Variants in GLCCI1 observed in about 807,000 individuals in gnomAD.
GLCCI1 encodes the protein glucocorticoid induced 1, also known as glucocorticoid-induced transcript 1 protein.
In GLCCI1, 24 loss-of-function variants were observed where a neutral mutation model predicts 52.2. The observed-to-expected ratio is 0.46, with a 90% CI of 0.33 to 0.65. The LOEUF (loss-of-function observed/expected upper bound fraction) is 0.65. GLCCI1 is among the 30% of genes least tolerant of loss of function. The pLI, the probability that GLCCI1 is intolerant of heterozygous loss-of-function variation, is 0.02. For synonymous variants in GLCCI1, 310 were observed against 276.5 expected (o/e 1.12, Z -1.20); for missense variants, 704 against 701.5 (o/e 1.00, Z -0.04).
intron 3 of GLCCI1, among the ~76,000 whole-genome samples, chr7:8,032,833 AG>A (rs992848333): frequency 6.6e-6 from 1 of 151,986 alleles, no homozygotes; most frequent in African/African-American, 2.4e-5. Context: ...TTAAGGAAAA[AG>A]TAATGTTAAT....
At chr7:8,023,589 T>C (rs367914432) in intron 3 of GLCCI1, among the ~76,000 whole-genome samples, 3 of 51,848 alleles carry the variant, frequency 5.8e-5, no homozygotes, top group African/African-American at 2.9e-4. Context: ...TCTGTTATTC[T>C]TTTTTTTTTT....
chr7:7,995,856 A>T (rs989894085), intron 1 of GLCCI1, among the ~76,000 whole-genome samples: 32 of 152,282 alleles, frequency 2.1e-4, no homozygotes, highest in Middle Eastern at 6.8e-3. Context: ...CATATGTAAC[A>T]AACCTGCACG....
intron 3 of GLCCI1, among the ~76,000 whole-genome samples, chr7:8,042,790 AATG>A (rs1782031038): frequency 2.0e-5 from 3 of 152,338 alleles, no homozygotes; most frequent in Admixed American, 1.3e-4. Flanking sequence ...ACATTGTTGA[AATG>A]ATAACAAAAG....
chr7:7,978,359 A>G (rs1262944341), intron 1 of GLCCI1, among the ~76,000 whole-genome samples: 3 of 152,224 alleles, frequency 2.0e-5, no homozygotes, highest in African/African-American at 4.8e-5. Flanking sequence ...TATTTTAGCA[A>G]CATTTAACAT....
intron 1 of GLCCI1, among the ~76,000 whole-genome samples, chr7:7,984,568 C>T (rs567941283): frequency 6.6e-6 from 1 of 152,182 alleles, no homozygotes; most frequent in Non-Finnish European, 1.5e-5. Flanking sequence ...GTTATTTGCT[C>T]TACGCAATAT....
chr7:8,000,446 A>G (rs1781029953), intron 1 of GLCCI1, among the ~76,000 whole-genome samples: 1 of 152,196 alleles, frequency 6.6e-6, no homozygotes, highest in South Asian at 2.1e-4. Context: ...TAAAACAGAA[A>G]GCAATTAGCA....
intron 1 of GLCCI1, among the ~76,000 whole-genome samples, chr7:7,992,097 T>TTCTTTCTGTCTGTCTG (rs1195257351): frequency 8.3e-6 from 1 of 121,210 alleles, no homozygotes; most frequent in East Asian, 2.4e-4. Flanking sequence ...CTTTCTTTCT[T>TTCTTTCTGTCTGTCTG]TCTGTCTGTT....
intron 1 of GLCCI1, among the ~76,000 whole-genome samples, chr7:7,977,413 G>A (rs764547332): frequency 1.3e-5 from 2 of 152,272 alleles, no homozygotes; most frequent in Middle Eastern, 3.4e-3. Context: ...GACTGAACTG[G>A]TCCTTGATAG....
In GLCCI1 at chr7:8,077,200, G is replaced by GT. The variant is rs113203250; in HGVS notation, c.1177+6071dup. Among the ~76,000 whole-genome samples, 57 of 152,244 alleles carry GT rather than the reference G, an allele frequency of 3.7e-4. 1 individual carries two copies. Among genetic ancestry groups the GT allele is most frequent in the African/African-American group, 1.0e-3 (42 of 41,554 alleles). On this transcript the variant is annotated intron_variant, in intron 6 of 7. Transcript: ENST00000223145. ...TGGAAAATAATAGGGTGTCACCTAG[G>GT]TTCAAGGAAAAGGGAATCTGTTGGA...
At chr7:7,976,725 A>G (rs1780480994) in intron 1 of GLCCI1, among the ~76,000 whole-genome samples, 1 of 151,664 alleles carries the variant, frequency 6.6e-6, no homozygotes, top group Non-Finnish European at 1.5e-5. Flanking sequence ...CAACCTGAGC[A>G]ACATGACAAG....
chr7:8,023,827 G>A (rs1265998063), intron 3 of GLCCI1, among the ~76,000 whole-genome samples: 5 of 151,600 alleles, frequency 3.3e-5, no homozygotes, highest in African/African-American at 1.2e-4. Flanking sequence ...TCGAACTCCT[G>A]ACCTTAAGCG....
intron 1 of GLCCI1, chr7:7,981,972 A>G (rs1780630936): frequency 9.5e-6 from 4 of 421,962 alleles, no homozygotes; most frequent in South Asian, 7.2e-5. Flanking sequence ...AATCAAAAAT[A>G]TTAATCCAGA....
intron 3 of GLCCI1, among the ~76,000 whole-genome samples, chr7:8,041,364 A>T (rs76360242): frequency 6.6e-6 from 1 of 152,220 alleles, no homozygotes; most frequent in African/African-American, 2.4e-5. Context: ...CCATATCTAT[A>T]AAGTGCAAGG....
At chr7:8,031,744 G>A (rs980590269) in intron 3 of GLCCI1, among the ~76,000 whole-genome samples, 2 of 151,376 alleles carry the variant, frequency 1.3e-5, no homozygotes, top group Non-Finnish European at 3.0e-5. Flanking sequence ...CAGACTGAAA[G>A]CAAAAAGATG....
intron 6 of GLCCI1, among the ~76,000 whole-genome samples, chr7:8,083,946 TATG>T (rs1164043687): frequency 6.6e-6 from 1 of 152,240 alleles, no homozygotes; most frequent in Non-Finnish European, 1.5e-5. Context: ...TGAACATAAT[TATG>T]ATACTGTTGC....
chr7:8,022,379 T>C (rs1326257694), intron 2 of GLCCI1, 104 bp from the exon 3 acceptor site: 3 of 493,786 alleles, frequency 6.1e-6, no homozygotes, highest in Non-Finnish European at 9.6e-6. Context: ...TTAGTATAGC[T>C]CTCTAACTGG....
intron 3 of GLCCI1, among the ~76,000 whole-genome samples, chr7:8,053,670 T>C (rs1782319667): frequency 6.6e-6 from 1 of 152,034 alleles, no homozygotes; most frequent in South Asian, 2.1e-4. Context: ...GCTAGTGTAG[T>C]TGGGACCCGT....
chr7:8,035,242 C>T (rs1781839847), intron 3 of GLCCI1, among the ~76,000 whole-genome samples: 1 of 152,214 alleles, frequency 6.6e-6, no homozygotes, highest in Non-Finnish European at 1.5e-5. Flanking sequence ...GAGAACTCCC[C>T]ACTTGGCTGA....
chr7:7,977,024 A>G (rs1780487722), intron 1 of GLCCI1, among the ~76,000 whole-genome samples: 1 of 152,162 alleles, frequency 6.6e-6, no homozygotes, highest in African/African-American at 2.4e-5. Flanking sequence ...ACTGAAGATC[A>G]AATACTTATT....
Sources: gnomAD v4.1 joint callset for allele counts (sites outside exome capture counted in the v4.1 genomes callset) on GRCh38, gnomAD v4.1.1 for gene constraint, MANE v1.5 for transcripts, NCBI Gene and HGNC (gene_info 2026-07-23, HGNC 2026-07-21) for gene names.